Variants in ZC3H12B observed in about 807,000 individuals in gnomAD.
ZC3H12B encodes zinc finger CCCH-type containing 12B.
A neutral mutation model predicts 43.9 loss-of-function variants in ZC3H12B; 7 were observed. That is an observed-to-expected ratio of 0.16 (90% CI 0.09 to 0.30). ZC3H12B has a LOEUF of 0.30. Among genes scored for constraint, ZC3H12B ranks in the 10% least tolerant of loss-of-function variants. The pLI, the probability that ZC3H12B is intolerant of heterozygous loss-of-function variation, is 1.00. For missense variants in ZC3H12B, 475 were observed against 670.2 expected, an observed-to-expected ratio of 0.71 and a Z score of 3.22; for synonymous variants, 222 against 241.7, an observed-to-expected ratio of 0.92 and a Z score of 0.76.
At chrX:65,108,658 T>C in the ZC3H12B span, among the ~76,000 whole-genome samples, 1 of 109,321 alleles carries the variant, frequency 9.1e-6, no homozygotes, top group Non-Finnish European at 1.9e-5. Flanking sequence ...AAAAACTAAG[T>C]AGAAAGTGTA....
the ZC3H12B span, among the ~76,000 whole-genome samples, chrX:65,351,102 T>C: frequency 1.8e-5 from 2 of 111,966 alleles, no homozygotes; most frequent in Non-Finnish European, 1.9e-5. Flanking sequence ...CCAAATAGCA[T>C]GGTACTGGTA....
the ZC3H12B span, among the ~76,000 whole-genome samples, chrX:65,089,318 T>C: frequency 3.6e-5 from 4 of 112,109 alleles, no homozygotes; most frequent in Admixed American, 3.8e-4. Flanking sequence ...TACAGCATGT[T>C]ACTGTTCTGA....
the ZC3H12B span, among the ~76,000 whole-genome samples, chrX:65,308,150 A>T: frequency 3.6e-5 from 4 of 111,168 alleles, no homozygotes; most frequent in Admixed American, 2.9e-4. Flanking sequence ...AACAAGTCTC[A>T]GTAAATTTAA....
At chrX:65,113,504 C>A in the ZC3H12B span, among the ~76,000 whole-genome samples, 3 of 108,728 alleles carry the variant, frequency 2.8e-5, no homozygotes, top group African/African-American at 1.0e-4. Flanking sequence ...TTTGAGGTTG[C>A]AGTGAGCCAT....
the ZC3H12B span, among the ~76,000 whole-genome samples, chrX:65,183,617 G>C: frequency 1.6e-4 from 18 of 111,615 alleles, no homozygotes; most frequent in Admixed American, 5.7e-4. Flanking sequence ...CGTTACACTT[G>C]GAGAAGTTAT....
chrX:65,173,361 C>G, the ZC3H12B span, among the ~76,000 whole-genome samples: 1 of 111,842 alleles, frequency 8.9e-6, no homozygotes, highest in Non-Finnish European at 1.9e-5. Context: ...ATCATGTCTT[C>G]TGCAAACAAA....
the ZC3H12B span, among the ~76,000 whole-genome samples, chrX:65,293,142 GC>G: frequency 8.9e-6 from 1 of 111,800 alleles, no homozygotes; most frequent in Non-Finnish European, 1.9e-5. Context: ...GGTATCGACA[GC>G]TGAGAAACTG....
At chrX:65,398,460 G>A (rs1335141093) in intron 2 of ZC3H12B, 133 bp from the exon 5 acceptor site, 4 of 111,756 alleles carry the variant, frequency 3.6e-5, no homozygotes, top group African/African-American at 6.5e-5. Flanking sequence ...AAGGGACCTG[G>A]TGGGAGGTAA....
At chrX:65,484,951 T>C (rs1447342800), upstream of ZC3H12B, among the ~76,000 whole-genome samples, 1 of 112,233 alleles carries the variant, frequency 8.9e-6, no homozygotes, top group Admixed American at 9.4e-5. Flanking sequence ...CTTTGATCTT[T>C]TTTTCTTGGT....
the ZC3H12B span, among the ~76,000 whole-genome samples, chrX:65,305,942 C>T: frequency 1.8e-5 from 2 of 111,881 alleles, no homozygotes; most frequent in Admixed American, 1.9e-4. Context: ...CTGATTTACC[C>T]AAGTGCTGTT....
At chrX:65,342,785 A>G in the ZC3H12B span, among the ~76,000 whole-genome samples, 21 of 109,685 alleles carry the variant, frequency 1.9e-4, no homozygotes, top group African/African-American at 7.0e-4. Flanking sequence ...ACCCAAAGCT[A>G]ACAGAAGACA....
intron 2 of ZC3H12B, among the ~76,000 whole-genome samples, chrX:65,387,402 T>G (rs941751374): frequency 2.3e-4 from 26 of 111,986 alleles, no homozygotes; most frequent in African/African-American, 7.8e-4. Context: ...TTTAATGGCC[T>G]CTTTGTCTCT....
At chrX:65,044,985 T>A in the ZC3H12B span, among the ~76,000 whole-genome samples, 1 of 110,066 alleles carries the variant, frequency 9.1e-6, no homozygotes, top group African/African-American at 3.3e-5. Flanking sequence ...AAAAAAAAGT[T>A]ATGTTTATAC....
At chrX:65,201,809 G>T in the ZC3H12B span, among the ~76,000 whole-genome samples, 1 of 107,567 alleles carries the variant, frequency 9.3e-6, no homozygotes, top group Non-Finnish European at 1.9e-5. Context: ...GGGGTCCAGT[G>T]ACAGGTAATT....
chrX:65,408,992 G>A (rs2066870840), intron 3 of ZC3H12B, among the ~76,000 whole-genome samples: 1 of 112,024 alleles, frequency 8.9e-6, no homozygotes, highest in South Asian at 3.7e-4. Context: ...TGTTAAATGG[G>A]GTGAAATAAG....
At chrX:65,215,948 A>C in the ZC3H12B span, among the ~76,000 whole-genome samples, 2 of 111,552 alleles carry the variant, frequency 1.8e-5, no homozygotes, top group Non-Finnish European at 3.8e-5. Flanking sequence ...GAGATGTGGA[A>C]GTGGCAGGTC....
chrX:65,347,275 C>G, the ZC3H12B span, among the ~76,000 whole-genome samples: 1 of 111,257 alleles, frequency 9.0e-6, no homozygotes, highest in Admixed American at 9.6e-5. Flanking sequence ...CTCAGAGACC[C>G]CATCCGAAGG....
intron 2 of ZC3H12B, among the ~76,000 whole-genome samples, chrX:65,379,298 C>A (rs192430453): frequency 8.9e-6 from 1 of 111,852 alleles, no homozygotes; most frequent in Non-Finnish European, 1.9e-5. Context: ...AGTCCCTGAC[C>A]TCTGACCCCC....
intron 3 of ZC3H12B, among the ~76,000 whole-genome samples, chrX:65,404,065 A>G (rs2066794637): frequency 1.8e-5 from 2 of 112,302 alleles, no homozygotes; most frequent in African/African-American, 6.5e-5. Context: ...AGATCTAAAT[A>G]GAAACAAAAA....
Sources: allele counts gnomAD v4.1 joint callset (sites outside exome capture counted in the v4.1 genomes callset), GRCh38; gene constraint gnomAD v4.1.1; transcripts MANE v1.5; gene names NCBI Gene and HGNC (gene_info 2026-07-23, HGNC 2026-07-21).